Variants in HIVEP1 observed in about 807,000 individuals in gnomAD.
HIVEP1 encodes HIVEP zinc finger 1, also known as zinc finger protein 40.
HIVEP1 carries 36 observed loss-of-function variants against 180.0 expected under a neutral mutation model. The observed-to-expected ratio is 0.20, with a 90% confidence interval of 0.15 to 0.26. The LOEUF (loss-of-function observed/expected upper bound fraction) is 0.26, where lower values mean the gene tolerates loss of function less well. Ranked by LOEUF, HIVEP1 falls within the 10% of genes least tolerant of loss-of-function variation. The pLI, the probability that HIVEP1 is intolerant of heterozygous loss-of-function variation, is 1.00. For missense variants in HIVEP1, 3,143 were observed against 3,268.7 expected (o/e 0.96, Z 0.94); for synonymous variants, 1,239 against 1,239.0 (o/e 1.00, Z 0.00).
intron 2 of HIVEP1, among the ~76,000 whole-genome samples, chr6:12,032,139 C>CTTTTTT (rs71877836): frequency 7.5e-6 from 1 of 133,732 alleles, no homozygotes; most frequent in Non-Finnish European, 1.6e-5. Context: ...CACTGATAAC[C>CTTTTTT]TTTTTTTTTT....
At chr6:12,116,623 A>C (rs1238287399) in intron 3 of HIVEP1, among the ~76,000 whole-genome samples, 4 of 152,106 alleles carry the variant, frequency 2.6e-5, no homozygotes, top group African/African-American at 9.7e-5. Flanking sequence ...CCCAAGCACC[A>C]GTGGTAGAGT....
chr6:12,173,724 A>G, the HIVEP1 span, among the ~76,000 whole-genome samples: 2 of 152,320 alleles, frequency 1.3e-5, no homozygotes, highest in Admixed American at 6.5e-5. Flanking sequence ...TGCTTGAGAC[A>G]AGACATCTTT....
Position 12,163,405 on chromosome 6 carries a change from A to G in HIVEP1, c.7101A>G (p.Leu2367=). ...AAGAACAGAAGCAGCAAATAACTCT[A>G]CAGCCGACTCCAGGCTTGCCTTCTC... ...DPQEQKQQIT[L]QPTPGLPSPH... is the part of the protein sequence containing the mutation. The change falls in exon 9 of 9, where the codon CTA becomes CTG. Residue 2367 remains leucine (L), a synonymous_variant. Coordinates refer to ENST00000379388, the MANE Select transcript of HIVEP1 (RefSeq NM_002114.4). The G allele has an allele frequency of 6.2e-7, 1 of 1,614,144 alleles. No individual in the cohort carries two copies.
intron 5 of HIVEP1, among the ~76,000 whole-genome samples, chr6:12,130,487 A>G (rs1207003206): frequency 7.9e-5 from 12 of 152,298 alleles, no homozygotes; most frequent in African/African-American, 2.9e-4. Context: ...TCATTGAGCT[A>G]CAATCACACC....
At chr6:12,065,682 T>C (rs1428965718) in intron 2 of HIVEP1, among the ~76,000 whole-genome samples, 2 of 76,906 alleles carry the variant, frequency 2.6e-5, no homozygotes, top group Non-Finnish European at 5.7e-5. Flanking sequence ...TGTGTGTGTG[T>C]GTGTGTGTGC....
At chr6:12,207,324 C>T in the HIVEP1 span, among the ~76,000 whole-genome samples, 1 of 152,132 alleles carries the variant, frequency 6.6e-6, no homozygotes, top group Non-Finnish European at 1.5e-5. Context: ...TTGTCAGGAA[C>T]CATCTTTATT....
the HIVEP1 span, among the ~76,000 whole-genome samples, chr6:12,181,096 C>A: frequency 6.6e-6 from 1 of 152,176 alleles, no homozygotes; most frequent in Non-Finnish European, 1.5e-5. Context: ...CACTGTGGCT[C>A]ACGCCTGTAA....
chr6:12,190,687 ATTTC>A, the HIVEP1 span, among the ~76,000 whole-genome samples: 1 of 151,486 alleles, frequency 6.6e-6, no homozygotes, highest in Non-Finnish European at 1.5e-5. Context: ...TTCATACTCA[ATTTC>A]TTTATCTGTT....
At chr6:12,035,614 T>C (rs997554499) in intron 2 of HIVEP1, among the ~76,000 whole-genome samples, 1 of 152,200 alleles carries the variant, frequency 6.6e-6, no homozygotes, top group Non-Finnish European at 1.5e-5. Flanking sequence ...ATTTAATCGT[T>C]TTAGAATTAT....
chr6:12,157,178 T>A (rs1760111475), intron 7 of HIVEP1, among the ~76,000 whole-genome samples: 1 of 152,224 alleles, frequency 6.6e-6, no homozygotes, highest in African/African-American at 2.4e-5. Context: ...AAACTTTTAT[T>A]TTCAGCCTAC....
chr6:12,107,520 G>A (rs183104570), intron 3 of HIVEP1, among the ~76,000 whole-genome samples: 309 of 152,230 alleles, frequency 2.0e-3, no homozygotes, highest in African/African-American at 6.9e-3. Flanking sequence ...ATGAAGCTGC[G>A]GACCCTCACG....
chr6:12,155,210 G>C (rs1205837108), intron 7 of HIVEP1, among the ~76,000 whole-genome samples: 1 of 152,166 alleles, frequency 6.6e-6, no homozygotes, highest in Admixed American at 6.5e-5. Context: ...GACATGTTTT[G>C]AGACTTCCTC....
intron 3 of HIVEP1, among the ~76,000 whole-genome samples, chr6:12,102,904 TTA>T (rs528490954): frequency 5.3e-5 from 8 of 152,196 alleles, no homozygotes; most frequent in African/African-American, 9.6e-5. Flanking sequence ...TTTTGTTTTT[TTA>T]TGTTTGTTTT....
intron 7 of HIVEP1, among the ~76,000 whole-genome samples, chr6:12,153,295 G>A (rs1303814720): frequency 6.6e-6 from 1 of 152,168 alleles, no homozygotes; most frequent in Non-Finnish European, 1.5e-5. Flanking sequence ...AAATATGATT[G>A]AATGTGGAAT....
At position 12,121,935 on chromosome 6, in the gene HIVEP1, G is replaced by T; in HGVS notation, c.2140G>T (p.Val714Phe). ...GAGTAACGGACCCTCTGCAGCTCTT[G>T]TCACCACGTCAACACCCTCTGCTTT... The part of the protein sequence containing the change: ...GRSNGPSAAL[V>F]TTSTPSALPT... The change falls in exon 4 of 9, where the codon GTC (valine) becomes TTC (phenylalanine). Residue 714 changes from valine to phenylalanine, a missense_variant. This residue lies in a region of HIVEP1 where 365 missense variants were observed against 344.4 expected (regional missense o/e 1.06). Transcript: ENST00000379388. The surrounding 1 kb of genome is among the most constrained non-coding windows in gnomAD (Gnocchi z 5.3). 1.2e-6 allele frequency: 2 copies of T among 1,614,174 alleles called. No individual in the cohort carries two copies. The highest frequency in any genetic ancestry group is 1.1e-5 in the South Asian group (1 of 91,084).
At chr6:12,143,566 T>A (rs944590920) in intron 7 of HIVEP1, among the ~76,000 whole-genome samples, 15 of 152,142 alleles carry the variant, frequency 9.9e-5, no homozygotes, top group Non-Finnish European at 1.9e-4. Flanking sequence ...AAATAAAGGG[T>A]GTTCAATTAG....
At chr6:12,195,268 A>G in the HIVEP1 span, among the ~76,000 whole-genome samples, 6 of 152,340 alleles carry the variant, frequency 3.9e-5, no homozygotes, top group Middle Eastern at 0.014. Flanking sequence ...TCATTGCTGT[A>G]TTCCAGCATC....
At chr6:12,136,819 A>C (rs536665526) in intron 7 of HIVEP1, among the ~76,000 whole-genome samples, 35 of 152,290 alleles carry the variant, frequency 2.3e-4, no homozygotes, top group Admixed American at 6.5e-4. Flanking sequence ...ATGTGTTCTA[A>C]CTCATCAGAG....
At chr6:12,150,703 G>A (rs943072601) in intron 7 of HIVEP1, among the ~76,000 whole-genome samples, 1 of 152,038 alleles carries the variant, frequency 6.6e-6, no homozygotes, top group African/African-American at 2.4e-5. Context: ...TGACACGCAC[G>A]TGACACAGTA....
Sources: gnomAD v4.1 joint callset for allele counts (sites outside exome capture counted in the v4.1 genomes callset) on GRCh38, gnomAD v4.1.1 for gene constraint, gnomAD v4.1.1 regional missense constraint, Gnocchi (gnomAD v3.1) non-coding constraint, MANE v1.5 for transcripts, NCBI Gene and HGNC (gene_info 2026-07-23, HGNC 2026-07-21) for gene names.